The following KIAA1328 variants were observed in gnomAD, a reference collection of about 807,000 sequenced individuals.
KIAA1328 encodes protein hinderin.
A neutral mutation model predicts 68.1 loss-of-function variants in KIAA1328; 52 were observed. The observed-to-expected ratio is 0.76, with a 90% CI of 0.61 to 0.96. The LOEUF is 0.96. Ranked by LOEUF, KIAA1328 falls within the 40% of genes least tolerant of loss-of-function variation. KIAA1328 has a pLI of 0.00. For synonymous variants in KIAA1328, 232 were observed against 239.4 expected (o/e 0.97, Z 0.28); for missense variants, 641 against 677.6 (o/e 0.95, Z 0.60).
intron 7 of KIAA1328, among the ~76,000 whole-genome samples, chr18:37,119,738 G>C (rs537334646): frequency 2.0e-5 from 3 of 152,138 alleles, no homozygotes; most frequent in Admixed American, 2.0e-4. Flanking sequence ...GTGAATGTAT[G>C]TATAAAATGA....
Position 36,850,061 on chromosome 18 carries a change from G to T in KIAA1328, c.332+5759G>T, listed in dbSNP as rs779169971. Reference sequence around the variant, plus strand: ...TAAAATTGGGGTGTTTTTCTTTTTTGTTATTATAACTGGATTTTTAGATAT... The same window carrying T: ...TAAAATTGGGGTGTTTTTCTTTTTTTTTATTATAACTGGATTTTTAGATAT... On this transcript the variant is annotated intron_variant, in intron 4 of 9. Transcript: ENST00000280020. Among the ~76,000 whole-genome samples, 5 of 151,524 alleles carry T rather than the reference G, an allele frequency of 3.3e-5. No homozygotes were observed. In the South Asian group the frequency reaches 1.0e-3, roughly 32 times the overall value.
chr18:37,228,291 G>A (rs201889535), downstream of KIAA1328, among the ~76,000 whole-genome samples: 15 of 152,196 alleles, frequency 9.9e-5, no homozygotes, highest in East Asian at 5.8e-4. Flanking sequence ...ATAAAGCAGC[G>A]TCGGGGTTTG....
chr18:37,061,304 A>G (rs1342902672), intron 6 of KIAA1328, among the ~76,000 whole-genome samples: 1 of 152,196 alleles, frequency 6.6e-6, no homozygotes, highest in Non-Finnish European at 1.5e-5. Context: ...TAGAGGTCAG[A>G]ATGATAGTTA....
intron 6 of KIAA1328, among the ~76,000 whole-genome samples, chr18:36,963,619 G>C (rs1338725397): frequency 2.0e-5 from 3 of 152,136 alleles, no homozygotes; most frequent in African/African-American, 7.2e-5. Flanking sequence ...CTACTTCCTT[G>C]CAGTAACGGC....
intron 9 of KIAA1328, among the ~76,000 whole-genome samples, chr18:37,219,767 C>T (rs902977289): frequency 6.6e-6 from 1 of 152,184 alleles, no homozygotes; most frequent in Non-Finnish European, 1.5e-5. Context: ...GGAAGTCCCC[C>T]GACCCCTTGC....
chr18:37,177,667 GT>G (rs2059620485), intron 9 of KIAA1328, among the ~76,000 whole-genome samples: 1 of 151,996 alleles, frequency 6.6e-6, no homozygotes, highest in Admixed American at 6.6e-5. Context: ...AGCGTTAAAG[GT>G]TTTTGTTTTG....
At chr18:36,896,779 T>C (rs1191747444) in intron 5 of KIAA1328, among the ~76,000 whole-genome samples, 1 of 152,182 alleles carries the variant, frequency 6.6e-6, no homozygotes, top group African/African-American at 2.4e-5. Flanking sequence ...TTTAGGATTA[T>C]TGTTTAGCCT....
At chr18:36,830,587 G>T (rs1231922052) in intron 1 of KIAA1328, among the ~76,000 whole-genome samples, 31 of 151,986 alleles carry the variant, frequency 2.0e-4, no homozygotes, top group Admixed American at 2.0e-3. Context: ...GTTTGGGGGG[G>T]GGACAAGCTA....
At chr18:36,971,006 A>C (rs899328506) in intron 6 of KIAA1328, among the ~76,000 whole-genome samples, 18 of 152,286 alleles carry the variant, frequency 1.2e-4, no homozygotes, top group Admixed American at 9.2e-4. Flanking sequence ...AATCCTAAGC[A>C]AAAAGAGCAA....
At chr18:37,158,972 G>A (rs539188593) in intron 7 of KIAA1328, among the ~76,000 whole-genome samples, 41 of 151,734 alleles carry the variant, frequency 2.7e-4, no homozygotes, top group African/African-American at 8.5e-4. Flanking sequence ...TCCCTGTTCC[G>A]TGAGTGCAAT....
intron 5 of KIAA1328, among the ~76,000 whole-genome samples, chr18:36,934,608 A>G (rs1421875230): frequency 6.6e-6 from 1 of 151,922 alleles, no homozygotes; most frequent in Non-Finnish European, 1.5e-5. Context: ...ATGATTTCCA[A>G]TTTCATCCAT....
chr18:36,883,635 C>T (rs1439197422), intron 4 of KIAA1328, among the ~76,000 whole-genome samples: 1 of 152,028 alleles, frequency 6.6e-6, no homozygotes. Flanking sequence ...GTCGATATTC[C>T]CAAATTGGAA....
intron 5 of KIAA1328, chr18:36,955,773 T>C (rs2051387546): frequency 6.7e-6 from 1 of 150,218 alleles, no homozygotes; most frequent in South Asian, 2.1e-4. Flanking sequence ...GGAGAATCTT[T>C]TTTTTTTTTA....
Position 36,893,465 on chromosome 18 carries a change from T to TTGTGTGTGTGTGTG in KIAA1328, c.448+7815_448+7828dup, listed in dbSNP as rs141803952. On this transcript the variant is annotated intron_variant, in intron 5 of 9. Coordinates refer to ENST00000280020, the MANE Select transcript of KIAA1328 (RefSeq NM_020776.3). ...TGTGTGTGTGTGTGTGTGTGTGTTT[T>TTGTGTGTGTGTGTG]TGTGTGTGTGTGTGTGTGTGTGTGT... Among the ~76,000 whole-genome samples, 13 of 120,650 alleles carry TTGTGTGTGTGTGTG rather than the reference T, an allele frequency of 1.1e-4. 1 individual carries two copies. The East Asian group carries it at 1.5e-3, about 14-fold the overall frequency. The allele number at this position is 120,650 out of a possible 152,430, so 79.2% of individuals were successfully genotyped here. A position where few individuals can be genotyped will look rare whatever the true frequency, so the allele number is the denominator to read the frequency against.
chr18:37,085,079 A>C (rs954168658), intron 7 of KIAA1328, among the ~76,000 whole-genome samples: 8 of 152,118 alleles, frequency 5.3e-5, no homozygotes, highest in Non-Finnish European at 1.0e-4. Context: ...GGGCGGGGGT[A>C]AACTCGGGCT....
At chr18:36,880,994 C>T (rs2048311133) in intron 4 of KIAA1328, among the ~76,000 whole-genome samples, 1 of 152,132 alleles carries the variant, frequency 6.6e-6, no homozygotes, top group East Asian at 1.9e-4. Context: ...TTTTTTTCAG[C>T]TATACTTATC....
chr18:36,897,719 G>A (rs2048909983), intron 5 of KIAA1328, among the ~76,000 whole-genome samples: 1 of 152,066 alleles, frequency 6.6e-6, no homozygotes, highest in Non-Finnish European at 1.5e-5. Context: ...ACAAGGACTA[G>A]TTCAGCAGTA....
intron 5 of KIAA1328, among the ~76,000 whole-genome samples, chr18:36,949,490 C>T (rs1238897069): frequency 6.6e-6 from 1 of 151,670 alleles, no homozygotes; most frequent in Non-Finnish European, 1.5e-5. Flanking sequence ...GAGAAATAAA[C>T]CTTGGGTCTC....
At chr18:36,868,736 C>T (rs2047840694) in intron 4 of KIAA1328, among the ~76,000 whole-genome samples, 1 of 152,122 alleles carries the variant, frequency 6.6e-6, no homozygotes, top group Non-Finnish European at 1.5e-5. Flanking sequence ...TCAAGTATTG[C>T]ATTGTTCCCC....
Sources: allele counts gnomAD v4.1 joint callset (sites outside exome capture counted in the v4.1 genomes callset), GRCh38; gene constraint gnomAD v4.1.1; transcripts MANE v1.5; gene names NCBI Gene and HGNC (gene_info 2026-07-23, HGNC 2026-07-21).